HECW1: variants seen among roughly 807,000 people sequenced by gnomAD.
The protein encoded by HECW1 is E3 ubiquitin-protein ligase HECW1.
Under a neutral mutation model 182.3 loss-of-function variants are expected in HECW1, and 61 were observed. The ratio of observed to expected loss-of-function variants is 0.33; its 90% CI spans 0.27 to 0.41. The LOEUF is 0.41. Ranked by LOEUF, HECW1 falls within the 10% of genes least tolerant of loss-of-function variation. The pLI is 1.00. For missense variants in HECW1, 1,739 were observed against 2,108.9 expected, an observed-to-expected ratio of 0.82 and a Z score of 3.44; for synonymous variants, 859 against 832.6, an observed-to-expected ratio of 1.03 and a Z score of -0.55.
chr7:43,368,020 T>C (rs1189767100), intron 6 of HECW1, among the ~76,000 whole-genome samples: 1 of 152,210 alleles, frequency 6.6e-6, no homozygotes, highest in African/African-American at 2.4e-5. Flanking sequence ...CTCAGAACAG[T>C]TATTCTGGGC....
chr7:43,309,797 G>A (rs1808267255), intron 3 of HECW1, among the ~76,000 whole-genome samples: 1 of 152,216 alleles, frequency 6.6e-6, no homozygotes, highest in Admixed American at 6.5e-5. Flanking sequence ...GGACTCTGGG[G>A]TGACATGAAG....
intron 19 of HECW1, among the ~76,000 whole-genome samples, chr7:43,499,459 A>G (rs2079248420): frequency 6.8e-6 from 1 of 146,664 alleles, no homozygotes; most frequent in Non-Finnish European, 1.5e-5. Context: ...ACAGAGCAAG[A>G]CTCTGTCTCA....
intron 2 of HECW1, among the ~76,000 whole-genome samples, chr7:43,115,785 C>G (rs1230996242): frequency 6.6e-6 from 1 of 152,240 alleles, no homozygotes; most frequent in Admixed American, 6.5e-5. Flanking sequence ...ACAGTCCCTG[C>G]AAGGCATAAT....
intron 5 of HECW1, among the ~76,000 whole-genome samples, chr7:43,325,730 C>CCAG (rs1212782779): frequency 2.6e-5 from 4 of 152,156 alleles, no homozygotes; most frequent in African/African-American, 9.7e-5. Flanking sequence ...CCTGCCCCCG[C>CCAG]CAGTCAGCAC....
intron 24 of HECW1, chr7:43,510,076 G>C (rs2079788207): frequency 6.6e-6 from 1 of 152,218 alleles, no homozygotes; most frequent in Non-Finnish European, 1.5e-5. Flanking sequence ...ACACATCGAG[G>C]GTTTGGCACA....
chr7:43,256,469 C>T (rs60879855), intron 3 of HECW1, among the ~76,000 whole-genome samples: 4,948 of 151,860 alleles, frequency 0.033, 139 homozygotes, highest in East Asian at 0.16. Flanking sequence ...ATTAGCCAGC[C>T]GTGGTGGCAG....
chr7:43,320,403 G>A (rs1437590835), intron 4 of HECW1, among the ~76,000 whole-genome samples: 1 of 152,210 alleles, frequency 6.6e-6, no homozygotes, highest in Admixed American at 6.5e-5. Flanking sequence ...GAACCAGCTA[G>A]ATGATCTCCT....
intron 5 of HECW1, among the ~76,000 whole-genome samples, chr7:43,341,084 T>G (rs1450841067): frequency 6.6e-6 from 1 of 151,580 alleles, no homozygotes; most frequent in African/African-American, 2.4e-5. Context: ...CTGCATGTTC[T>G]CACTCATAGG....
chr7:43,139,543 A>G (rs1185778029), intron 2 of HECW1, among the ~76,000 whole-genome samples: 2 of 151,978 alleles, frequency 1.3e-5, no homozygotes, highest in Non-Finnish European at 2.9e-5. Flanking sequence ...AACATTTAGT[A>G]TTTTAGCATT....
chr7:43,354,029 G>T (rs1490962122), intron 5 of HECW1, among the ~76,000 whole-genome samples: 1 of 152,072 alleles, frequency 6.6e-6, no homozygotes, highest in African/African-American at 2.4e-5. Flanking sequence ...CTCCATTCAG[G>T]ATGGGCAGCA....
chr7:43,146,710 T>C (rs1788753934), intron 2 of HECW1, among the ~76,000 whole-genome samples: 1 of 152,176 alleles, frequency 6.6e-6, no homozygotes, highest in East Asian at 1.9e-4. Flanking sequence ...AGAGGATGTA[T>C]GATGGACAAG....
chr7:43,152,772 G>A (rs907541872), intron 2 of HECW1, among the ~76,000 whole-genome samples: 1 of 152,124 alleles, frequency 6.6e-6, no homozygotes, highest in African/African-American at 2.4e-5. Flanking sequence ...TCATTCCGGG[G>A]GCCCTCGGGT....
intron 8 of HECW1, among the ~76,000 whole-genome samples, chr7:43,437,204 T>C (rs2076740440): frequency 6.6e-6 from 1 of 152,254 alleles, no homozygotes; most frequent in Non-Finnish European, 1.5e-5. Flanking sequence ...GCTTTGCTTT[T>C]TCACCTAGTT....
At chr7:43,168,498 A>T (rs1425994933) in intron 2 of HECW1, among the ~76,000 whole-genome samples, 4 of 151,654 alleles carry the variant, frequency 2.6e-5, no homozygotes, top group Admixed American at 6.6e-5. Context: ...TCTTCTCAAA[A>T]TTTTTTTTTA....
At chr7:43,261,487 A>C (rs1801174280) in intron 3 of HECW1, among the ~76,000 whole-genome samples, 1 of 152,112 alleles carries the variant, frequency 6.6e-6, no homozygotes, top group African/African-American at 2.4e-5. Flanking sequence ...CCCAAGTGCA[A>C]GGCAGTTTAA....
intron 17 of HECW1, among the ~76,000 whole-genome samples, chr7:43,480,651 G>A: frequency 6.6e-6 from 1 of 151,264 alleles, no homozygotes; most frequent in Non-Finnish European, 1.5e-5. Context: ...ATATGTGTGT[G>A]TGTGTGTATA....
At chr7:43,196,607 G>T (rs546289102) in intron 2 of HECW1, among the ~76,000 whole-genome samples, 2 of 152,280 alleles carry the variant, frequency 1.3e-5, no homozygotes, top group South Asian at 2.1e-4. Flanking sequence ...CCCTCAGGAT[G>T]AGTGCAGTGG....
intron 3 of HECW1, among the ~76,000 whole-genome samples, chr7:43,308,033 A>T (rs1265477377): frequency 8.7e-6 from 1 of 115,388 alleles, no homozygotes; most frequent in Non-Finnish European, 1.6e-5. Flanking sequence ...TATATTATAT[A>T]TTATATTGTA....
At chr7:43,486,695 G>A (rs1038465201) in intron 17 of HECW1, among the ~76,000 whole-genome samples, 11 of 152,184 alleles carry the variant, frequency 7.2e-5, no homozygotes, top group Non-Finnish European at 1.6e-4. Flanking sequence ...AAGCTTATGG[G>A]AACACCATTG....
Sources: allele counts gnomAD v4.1 joint callset (sites outside exome capture counted in the v4.1 genomes callset), GRCh38; gene constraint gnomAD v4.1.1; transcripts MANE v1.5; gene names NCBI Gene and HGNC (gene_info 2026-07-23, HGNC 2026-07-21).